The following GALNT13 variants were observed in gnomAD, a reference collection of about 807,000 sequenced individuals.
The protein encoded by GALNT13 is UDP-GalNAc:polypeptide N-acetylgalactosaminyltransferase 13.
A neutral mutation model predicts 64.2 loss-of-function variants in GALNT13; 28 were observed. The observed-to-expected ratio is 0.44, with a 90% confidence interval of 0.32 to 0.60. GALNT13 has a LOEUF of 0.60. GALNT13 is among the 20% of genes least tolerant of loss of function. GALNT13 has a pLI of 0.05. For missense variants in GALNT13, 577 were observed against 669.8 expected (o/e 0.86, Z 1.53); for synonymous variants, 214 against 224.6 (o/e 0.95, Z 0.42).
chr2:154,333,926 G>T (rs947092223), intron 9 of GALNT13, among the ~76,000 whole-genome samples: 1 of 151,980 alleles, frequency 6.6e-6, no homozygotes, highest in African/African-American at 2.4e-5. Flanking sequence ...GATACTAATC[G>T]TGGAAGATAA....
chr2:153,417,348 T>C, the GALNT13 span, among the ~76,000 whole-genome samples: 1 of 152,186 alleles, frequency 6.6e-6, no homozygotes, highest in African/African-American at 2.4e-5. Flanking sequence ...GTTTTCTCTC[T>C]CTCAGAGTGA....
At chr2:153,097,537 AAC>A in the GALNT13 span, among the ~76,000 whole-genome samples, 1 of 152,306 alleles carries the variant, frequency 6.6e-6, no homozygotes, top group East Asian at 1.9e-4. Context: ...ATAATAACCT[AAC>A]ACATATTTCT....
upstream of GALNT13, among the ~76,000 whole-genome samples, chr2:153,867,946 T>C (rs1685794077): frequency 6.6e-6 from 1 of 152,154 alleles, no homozygotes. Context: ...CATATCCTTC[T>C]GTGTGGCCCA....
At chr2:154,107,285 C>A (rs931566157) in intron 3 of GALNT13, among the ~76,000 whole-genome samples, 1 of 152,024 alleles carries the variant, frequency 6.6e-6, no homozygotes, top group East Asian at 1.9e-4. Context: ...TTAACTAAAA[C>A]GCATTTGTTA....
chr2:154,293,324 A>G (rs1411406793), intron 8 of GALNT13, among the ~76,000 whole-genome samples: 2 of 152,204 alleles, frequency 1.3e-5, no homozygotes, highest in African/African-American at 4.8e-5. Flanking sequence ...CTATTATTTT[A>G]GACTCCACAC....
chr2:153,103,605 C>T, the GALNT13 span, among the ~76,000 whole-genome samples: 21 of 152,322 alleles, frequency 1.4e-4, no homozygotes, highest in South Asian at 2.1e-4. Context: ...ATGATGCCAA[C>T]GCTATAAATG....
At chr2:154,313,400 T>C (rs1694155201) in intron 9 of GALNT13, among the ~76,000 whole-genome samples, 1 of 139,770 alleles carries the variant, frequency 7.2e-6, no homozygotes, top group South Asian at 2.3e-4. Context: ...TATATATGTA[T>C]ATATACACCC....
the GALNT13 span, among the ~76,000 whole-genome samples, chr2:153,258,360 T>C: frequency 1.1e-5 from 1 of 91,640 alleles, no homozygotes; most frequent in Non-Finnish European, 2.6e-5. Context: ...AGTAAAGCTC[T>C]GGTCTCCCAA....
chr2:153,182,237 G>T, the GALNT13 span, among the ~76,000 whole-genome samples: 9 of 151,810 alleles, frequency 5.9e-5, no homozygotes, highest in African/African-American at 2.2e-4. Context: ...GTGGAGACGG[G>T]GTTTCACCGT....
the GALNT13 span, among the ~76,000 whole-genome samples, chr2:153,455,001 A>T: frequency 6.6e-6 from 1 of 152,244 alleles, no homozygotes; most frequent in Non-Finnish European, 1.5e-5. Flanking sequence ...ATGTATATAC[A>T]TGTATATTTG....
the GALNT13 span, among the ~76,000 whole-genome samples, chr2:153,596,662 A>T: frequency 2.6e-5 from 4 of 152,182 alleles, no homozygotes; most frequent in South Asian, 4.1e-4. Flanking sequence ...ACATGACAGG[A>T]TTAGTTTAAA....
chr2:153,590,047 C>T, the GALNT13 span, among the ~76,000 whole-genome samples: 1 of 151,752 alleles, frequency 6.6e-6, no homozygotes, highest in Non-Finnish European at 1.5e-5. Context: ...TACAAAAAGC[C>T]AAATAAAATA....
the GALNT13 span, among the ~76,000 whole-genome samples, chr2:153,255,286 T>A: frequency 2.8e-5 from 4 of 142,044 alleles, no homozygotes; most frequent in Non-Finnish European, 6.1e-5. Context: ...AGACTAGGAT[T>A]GCAACCCCTG....
intron 9 of GALNT13, among the ~76,000 whole-genome samples, chr2:154,339,837 G>A (rs1695659607): frequency 6.6e-6 from 1 of 151,950 alleles, no homozygotes; most frequent in East Asian, 1.9e-4. Context: ...TTCTCAAATT[G>A]ATGGCTTATT....
chr2:154,376,392 T>A (rs1423613807), intron 9 of GALNT13, among the ~76,000 whole-genome samples: 8 of 152,158 alleles, frequency 5.3e-5, no homozygotes, highest in Non-Finnish European at 1.0e-4. Context: ...TGGGATACAT[T>A]TGAGCTAAAT....
the GALNT13 span, among the ~76,000 whole-genome samples, chr2:153,588,944 A>G: frequency 1.3e-5 from 2 of 152,122 alleles, no homozygotes; most frequent in Non-Finnish European, 1.5e-5. Flanking sequence ...AGGCAGGTGG[A>G]TCACCTGATG....
chr2:153,630,807 A>C, the GALNT13 span, among the ~76,000 whole-genome samples: 4 of 21,990 alleles, frequency 1.8e-4, no homozygotes, highest in African/African-American at 7.7e-4. Context: ...ATATATATAT[A>C]TTTTTTTTTT....
At chr2:153,764,990 A>G in the GALNT13 span, among the ~76,000 whole-genome samples, 1 of 151,650 alleles carries the variant, frequency 6.6e-6, no homozygotes, top group Non-Finnish European at 1.5e-5. Context: ...GGTTTGGAAA[A>G]CTCCACCTAG....
At chr2:153,156,860 A>C in the GALNT13 span, among the ~76,000 whole-genome samples, 1 of 152,182 alleles carries the variant, frequency 6.6e-6, no homozygotes, top group Non-Finnish European at 1.5e-5. Flanking sequence ...ATAGAAAGTA[A>C]AAGTTGTGCC....
Sources: allele counts gnomAD v4.1 joint callset (sites outside exome capture counted in the v4.1 genomes callset), GRCh38; gene constraint gnomAD v4.1.1; transcripts MANE v1.5; gene names NCBI Gene and HGNC (gene_info 2026-07-23, HGNC 2026-07-21).